Variants in WWOX observed in about 807,000 individuals in gnomAD.
The protein encoded by WWOX is WW domain containing oxidoreductase.
In WWOX, 69 loss-of-function variants were observed where a neutral mutation model predicts 46.2. That is an observed-to-expected ratio of 1.49 (90% CI 1.23 to 1.82). WWOX has a LOEUF of 1.82. Ranked by LOEUF, WWOX falls within the 40% of genes most tolerant of loss-of-function variation. The pLI is 0.00. For missense variants in WWOX, 919 were observed against 542.6 expected (o/e 1.69, Z -6.89); for synonymous variants, 359 against 202.6 (o/e 1.77, Z -6.56).
chr16:78,822,168 G>A (rs1029765434), intron 8 of WWOX, among the ~76,000 whole-genome samples: 2 of 152,028 alleles, frequency 1.3e-5, no homozygotes, highest in Non-Finnish European at 2.9e-5. Flanking sequence ...GAGCCACCAT[G>A]CCCAGCCTTA....
At position 78,691,386 on chromosome 16, in the gene WWOX, T is replaced by C. The variant is rs2047984642; in HGVS notation, c.1056+258634T>C. The C allele has an allele frequency of 5.9e-6, 4 of 675,502 alleles. No individual in the cohort carries two copies. The East Asian group carries it at 1.1e-4, about 18-fold the overall frequency. 41.8% of individuals were successfully genotyped at this position (675,502 alleles called of 1,614,324 possible). A position where few individuals can be genotyped will look rare whatever the true frequency, so the allele number is the denominator to read the frequency against. On this transcript the variant is annotated intron_variant, in intron 8 of 8. Coordinates refer to ENST00000566780, the MANE Select transcript of WWOX (RefSeq NM_016373.4). The stretch of plus-strand genomic sequence containing the variant: ...GTGACAGAAAGGAAATCTCCTAAGT[T>C]GGCCTACAGGGTGCTTTAGAAAACA...
chr16:78,511,317 G>C (rs187686653), intron 8 of WWOX, among the ~76,000 whole-genome samples: 1 of 152,076 alleles, frequency 6.6e-6, no homozygotes, highest in Non-Finnish European at 1.5e-5. Context: ...GGATGCCTTC[G>C]GTCCAGACAC....
chr16:78,423,625 C>G (rs940753002), intron 6 of WWOX, among the ~76,000 whole-genome samples: 6 of 152,010 alleles, frequency 3.9e-5, no homozygotes, highest in South Asian at 2.1e-4. Flanking sequence ...ACCAGGAACT[C>G]AAGACCACCT....
chr16:78,204,829 T>G (rs1452572017), intron 5 of WWOX, among the ~76,000 whole-genome samples: 1 of 152,172 alleles, frequency 6.6e-6, no homozygotes, highest in Admixed American at 6.5e-5. Flanking sequence ...GGAAGCAAAG[T>G]TAGACCCTGT....
intron 5 of WWOX, among the ~76,000 whole-genome samples, chr16:78,384,784 T>C (rs955061049): frequency 1.3e-5 from 2 of 152,162 alleles, no homozygotes; most frequent in African/African-American, 4.8e-5. Flanking sequence ...CCTCCACCAC[T>C]GATGTGCTGT....
intron 8 of WWOX, among the ~76,000 whole-genome samples, chr16:79,051,239 AC>A (rs1369386680): frequency 6.6e-6 from 1 of 152,162 alleles, no homozygotes; most frequent in Admixed American, 6.5e-5. Context: ...GGAAGGGGAA[AC>A]TTTTTCTTGG....
rs548431431 is a variant in WWOX at position 79,057,693 on chromosome 16, C to A, written c.1057-153915C>A. Among the ~76,000 whole-genome samples, 51 of 152,208 alleles carry A rather than the reference C, an allele frequency of 3.4e-4. No individual in the cohort carries two copies. In the South Asian group the frequency reaches 0.01, roughly 31 times the overall value. ...AACTGGCCTACTATGGTATTACAGG[C>A]TAGCACATGGTTTGCATTCTGAGGG... On this transcript the variant is annotated intron_variant, in intron 8 of 8. Coordinates refer to ENST00000566780, the MANE Select transcript of WWOX (RefSeq NM_016373.4).
At chr16:78,279,601 G>T (rs965676887) in intron 5 of WWOX, among the ~76,000 whole-genome samples, 38 of 152,250 alleles carry the variant, frequency 2.5e-4, no homozygotes, top group African/African-American at 9.1e-4. Context: ...TAAAGAAAAT[G>T]CCTCTGCTGC....
intron 5 of WWOX, among the ~76,000 whole-genome samples, chr16:78,171,095 G>A (rs1309467999): frequency 2.0e-5 from 3 of 152,160 alleles, no homozygotes; most frequent in Non-Finnish European, 2.9e-5. Context: ...TTCAGATAGG[G>A]AGCACTCAGT....
At chr16:79,135,310 G>A (rs957536861) in intron 8 of WWOX, among the ~76,000 whole-genome samples, 1 of 151,978 alleles carries the variant, frequency 6.6e-6, no homozygotes, top group Non-Finnish European at 1.5e-5. Context: ...TATATACATT[G>A]TTCTATACCT....
chr16:78,485,254 C>T (rs1007909120), intron 8 of WWOX, among the ~76,000 whole-genome samples: 3 of 152,154 alleles, frequency 2.0e-5, no homozygotes, highest in Admixed American at 2.0e-4. Context: ...GCACAGCCTC[C>T]TCCAGCTATG....
chr16:78,422,130 G>T (rs562040449), intron 6 of WWOX, among the ~76,000 whole-genome samples: 1 of 152,070 alleles, frequency 6.6e-6, no homozygotes, highest in Non-Finnish European at 1.5e-5. Flanking sequence ...CACTGTTTCT[G>T]TTAGACTCTT....
chr16:79,036,242 C>G (rs1413346940), intron 8 of WWOX, among the ~76,000 whole-genome samples: 1 of 152,214 alleles, frequency 6.6e-6, no homozygotes, highest in African/African-American at 2.4e-5. Context: ...CTCTGTCAAC[C>G]ATGCCATGGG....
chr16:78,685,341 G>C (rs2047829793), intron 8 of WWOX, among the ~76,000 whole-genome samples: 1 of 152,034 alleles, frequency 6.6e-6, no homozygotes, highest in Non-Finnish European at 1.5e-5. Flanking sequence ...TTCATTCTGT[G>C]ATTTTTTTTT....
intron 8 of WWOX, among the ~76,000 whole-genome samples, chr16:78,674,693 A>T (rs1567481348): frequency 6.6e-6 from 1 of 152,238 alleles, no homozygotes; most frequent in African/African-American, 2.4e-5. Context: ...TAAAATACTT[A>T]TTAAACAAAG....
At chr16:78,517,399 A>G (rs1016197087) in intron 8 of WWOX, among the ~76,000 whole-genome samples, 1 of 149,750 alleles carries the variant, frequency 6.7e-6, no homozygotes, top group African/African-American at 2.5e-5. Context: ...TGAGCAATTG[A>G]AAATCACCAG....
At chr16:78,617,225 A>G (rs1482843985) in intron 8 of WWOX, among the ~76,000 whole-genome samples, 2 of 152,046 alleles carry the variant, frequency 1.3e-5, no homozygotes. Context: ...CAGCCTGGGC[A>G]ACACGGTGAA....
intron 8 of WWOX, among the ~76,000 whole-genome samples, chr16:78,678,673 G>A (rs940277229): frequency 5.9e-5 from 9 of 152,136 alleles, no homozygotes; most frequent in Non-Finnish European, 1.0e-4. Context: ...GTCTTGATGA[G>A]TAAGATTGGG....
At chr16:78,326,766 G>A (rs7192196) in intron 5 of WWOX, among the ~76,000 whole-genome samples, 71,757 of 151,800 alleles carry the variant, frequency 0.47, 18,254 homozygotes, top group African/African-American at 0.67. Context: ...AGACATTTAA[G>A]TGGGCAATAC....
Sources: gnomAD v4.1 joint callset for allele counts (sites outside exome capture counted in the v4.1 genomes callset) on GRCh38, gnomAD v4.1.1 for gene constraint, MANE v1.5 for transcripts, NCBI Gene and HGNC (gene_info 2026-07-23, HGNC 2026-07-21) for gene names.